Variants in DLG3 observed in about 807,000 individuals in gnomAD.
The protein encoded by DLG3 is discs large MAGUK scaffold protein 3.
A neutral mutation model predicts 64.1 loss-of-function variants in DLG3; 1 was observed. The observed-to-expected ratio is 0.02, with a 90% CI of 0.01 to 0.07. The LOEUF is 0.07. Ranked by LOEUF, DLG3 falls within the 10% of genes least tolerant of loss-of-function variation. The probability of loss-of-function intolerance (pLI) is 1.00; values close to 1 mark genes in which losing one functional copy is unlikely to be tolerated. For synonymous variants in DLG3, 245 were observed against 259.8 expected, an observed-to-expected ratio of 0.94 and a Z score of 0.55; for missense variants, 429 against 669.5, an observed-to-expected ratio of 0.64 and a Z score of 3.96.
intron 9 of DLG3, among the ~76,000 whole-genome samples, chrX:70,457,836 G>A (rs1254804084): frequency 9.1e-6 from 1 of 109,838 alleles, no homozygotes; most frequent in Non-Finnish European, 1.9e-5. Flanking sequence ...CTCCCAAAGT[G>A]CTGGGATTAC....
At chrX:70,465,348 T>G (rs977505594) in intron 9 of DLG3, among the ~76,000 whole-genome samples, 2 of 112,084 alleles carry the variant, frequency 1.8e-5, no homozygotes, top group African/African-American at 6.5e-5. Context: ...ATAATATGTT[T>G]AACTGGACTT....
rs371529146 is a variant in DLG3, at chrX:70,482,408, T to G, written c.1520+3144T>G. On this transcript the variant is annotated intron_variant, in intron 10 of 18. Transcript: ENST00000374360. Reference sequence around the variant, plus strand: ...TATTCTCTTTAAATGGCTTTTAATATCCCTTTAATAATCCTACAGAGTAGA... The same window carrying G: ...TATTCTCTTTAAATGGCTTTTAATAGCCCTTTAATAATCCTACAGAGTAGA... Among the ~76,000 whole-genome samples the G allele has an allele frequency of 2.7e-5, 3 of 112,082 alleles. No homozygotes were observed. The East Asian group carries it at 8.4e-4, about 31-fold the overall frequency.
chrX:70,495,898 G>C (rs889801157), intron 13 of DLG3, among the ~76,000 whole-genome samples: 1 of 111,321 alleles, frequency 9.0e-6, no homozygotes, highest in African/African-American at 3.3e-5. Context: ...CAAGGGTACT[G>C]TGACCCCTTT....
intron 9 of DLG3, among the ~76,000 whole-genome samples, chrX:70,467,397 A>G (rs1368824782): frequency 8.9e-6 from 1 of 112,408 alleles, no homozygotes; most frequent in Admixed American, 9.5e-5. Flanking sequence ...TTATACACAC[A>G]CACACACGAT....
chrX:70,449,645 G>T (rs1432903365), intron 3 of DLG3, 45 bp from the exon 4 acceptor site: 1 of 1,196,725 alleles, frequency 8.4e-7, no homozygotes, highest in Non-Finnish European at 1.1e-6. Context: ...AGAGGGGGTG[G>T]AGGGGTAGGG....
chrX:70,453,545 T>C, intron 7 of DLG3, 92 bp from the exon 8 acceptor site: 4 of 1,155,012 alleles, frequency 3.5e-6, no homozygotes, highest in Non-Finnish European at 4.6e-6. Context: ...CCTTACTCCC[T>C]ACAGCAAGTA....
chrX:70,455,337 CTT>C, intron 9 of DLG3: 1 of 754,300 alleles, frequency 1.3e-6, no homozygotes, highest in Non-Finnish European at 1.6e-6. Context: ...TTCTCAGCCT[CTT>C]TTCCAACACT....
At chrX:70,460,042 T>C (rs2086775330) in intron 9 of DLG3, among the ~76,000 whole-genome samples, 1 of 110,870 alleles carries the variant, frequency 9.0e-6, no homozygotes, top group Non-Finnish European at 1.9e-5. Context: ...CCCAACACTT[T>C]TGGAGGCCAA....
Position 70,451,911 on chromosome X carries a change from C to T in DLG3, c.1030C>T (p.Leu344=), listed in dbSNP as rs374626814. The T allele has an allele frequency of 2.1e-5, 25 of 1,209,707 alleles. No homozygotes were observed. In the African/African-American group the frequency reaches 4.2e-4, roughly 20 times the overall value. ...ADNHISHNSS[L]GYLGAVESKV... Reference sequence around the variant, plus strand: ...CAACCACATAAGCCATAATTCCAGCCTGGGTTATCTCGGGGCTGTGGAGAG... The same window carrying T: ...CAACCACATAAGCCATAATTCCAGCTTGGGTTATCTCGGGGCTGTGGAGAG... Residue 344 remains leucine (L), a synonymous_variant, in exon 7 of 19, where the codon CTG becomes TTG. Coordinates refer to ENST00000374360, the MANE Select transcript of DLG3 (RefSeq NM_021120.4).
intron 9 of DLG3, among the ~76,000 whole-genome samples, chrX:70,464,825 A>G (rs775356408): frequency 9.0e-6 from 1 of 110,964 alleles, no homozygotes; most frequent in Non-Finnish European, 1.9e-5. Flanking sequence ...GCGTGGTGGT[A>G]CACCCCTGTA....
At chrX:70,457,649 G>A (rs948342111) in intron 9 of DLG3, among the ~76,000 whole-genome samples, 12 of 106,593 alleles carry the variant, frequency 1.1e-4, no homozygotes, top group Non-Finnish European at 1.5e-4. Flanking sequence ...TCGGCTCACT[G>A]CAAGCTCTGC....
rs774419870 is a variant in DLG3 at position 70,482,662 on chromosome X, G to GTTTT, written c.1520+3418_1520+3421dup. ...AGGTTTGGGAAAATACATGTGTGGTGTTTTTTTTTTTTTTTTTTTTTTTGA... is the reference window on the plus strand; with the variant it reads ...AGGTTTGGGAAAATACATGTGTGGTGTTTTTTTTTTTTTTTTTTTTTTTTTTTGA... On this transcript the variant is annotated intron_variant, in intron 10 of 18. Transcript: ENST00000374360. Among the ~76,000 whole-genome samples the GTTTT allele has an allele frequency of 3.1e-3, 206 of 66,034 alleles. 11 individuals are homozygous for GTTTT. Among genetic ancestry groups the GTTTT allele is most frequent in the African/African-American group, 0.011 (187 of 16,446 alleles). 57.3% of individuals were successfully genotyped at this position (66,034 alleles called of 115,157 possible).
chrX:70,446,308 C>T (rs2086567496), intron 1 of DLG3, among the ~76,000 whole-genome samples: 1 of 109,198 alleles, frequency 9.2e-6, no homozygotes, highest in Non-Finnish European at 1.9e-5. Context: ...AGGCGCTTGA[C>T]AGGCAAGGGA....
intron 10 of DLG3, among the ~76,000 whole-genome samples, chrX:70,489,366 A>G (rs1370706881): frequency 1.8e-5 from 2 of 111,792 alleles, no homozygotes; most frequent in African/African-American, 6.5e-5. Flanking sequence ...ACAATGGCAC[A>G]ATCTTGGCTC....
Position 70,479,222 on chromosome X carries a change from C to T in DLG3, c.1478C>T (p.Ser493Phe). ...QMMNSSMSSG[S>F]GSLRTSEKRS... ...ATGAACAGCAGCATGAGCTCTGGGT[C>T]TGGGTCCCTCCGAACAAGTGAAAAG... The change falls in exon 10 of 19, where the codon TCT becomes TTT. Residue 493 changes from serine to phenylalanine, a missense_variant. Around this residue, in one of 9 missense-constraint regions of DLG3, gnomAD observed 25 missense variants for 83.7 expected, o/e 0.30. Coordinates refer to ENST00000374360, the MANE Select transcript of DLG3 (RefSeq NM_021120.4). The T allele has an allele frequency of 8.3e-7, 1 of 1,211,198 alleles. No homozygotes were observed. Among genetic ancestry groups the T allele is most frequent in the South Asian group, 1.8e-5 (1 of 56,985 alleles).
At chrX:70,460,304 A>C (rs2147794863) in intron 9 of DLG3, among the ~76,000 whole-genome samples, 1 of 109,197 alleles carries the variant, frequency 9.2e-6, no homozygotes, top group African/African-American at 3.3e-5. Flanking sequence ...AAAAAAAAAA[A>C]AAACTCCCAA....
At chrX:70,477,656 C>T (rs1248065854) in intron 9 of DLG3, among the ~76,000 whole-genome samples, 1 of 111,838 alleles carries the variant, frequency 8.9e-6, no homozygotes, top group African/African-American at 3.3e-5. Context: ...TTAACTGCTT[C>T]CTCCAGGATT....
In DLG3 at chrX:70,482,196, G is replaced by A. The variant is rs754328103; in HGVS notation, c.1520+2932G>A. Among the ~76,000 whole-genome samples, 16 of 112,209 alleles carry A rather than the reference G, an allele frequency of 1.4e-4. No homozygotes were observed. The South Asian group carries it at 4.4e-3, about 31-fold the overall frequency. On this transcript the variant is annotated intron_variant, in intron 10 of 18. Coordinates refer to ENST00000374360, the MANE Select transcript of DLG3 (RefSeq NM_021120.4). Reference sequence around the variant, plus strand: ...GACTGCTTCCGGATATAGTAAATTCGATCTTTAGTCACTCAAGGTGTTACA... The same window carrying A: ...GACTGCTTCCGGATATAGTAAATTCAATCTTTAGTCACTCAAGGTGTTACA...
chrX:70,476,218 T>G (rs1429388297), intron 9 of DLG3, among the ~76,000 whole-genome samples: 1 of 112,245 alleles, frequency 8.9e-6, no homozygotes, highest in African/African-American at 3.2e-5. Flanking sequence ...TCTTTGTGGG[T>G]CACAAACAGT....
Sources: gnomAD v4.1 joint callset for allele counts (sites outside exome capture counted in the v4.1 genomes callset) on GRCh38, gnomAD v4.1.1 for gene constraint, gnomAD v4.1.1 regional missense constraint, MANE v1.5 for transcripts, NCBI Gene and HGNC (gene_info 2026-07-23, HGNC 2026-07-21) for gene names.